The following MYT1L variants were observed in gnomAD, a reference collection of about 807,000 sequenced individuals.
MYT1L encodes the protein myelin transcription factor 1-like protein.
A neutral mutation model predicts 126.7 loss-of-function variants in MYT1L; 12 were observed. The observed-to-expected ratio is 0.09, with a 90% CI of 0.06 to 0.15. The LOEUF is 0.15. Among genes scored for constraint, MYT1L ranks in the 10% least tolerant of loss-of-function variants. The probability of loss-of-function intolerance (pLI) is 1.00; values close to 1 mark genes in which losing one functional copy is unlikely to be tolerated. For missense variants in MYT1L, 979 were observed against 1,585.2 expected, an observed-to-expected ratio of 0.62 and a Z score of 6.49; for synonymous variants, 541 against 604.2, an observed-to-expected ratio of 0.90 and a Z score of 1.53.
At chr2:1,808,814 A>G (rs1198565236) in intron 22 of MYT1L, among the ~76,000 whole-genome samples, 1 of 152,140 alleles carries the variant, frequency 6.6e-6, no homozygotes, top group African/African-American at 2.4e-5. Flanking sequence ...CCAGGGAGTA[A>G]ATCGTCCAGT....
intron 5 of MYT1L, among the ~76,000 whole-genome samples, chr2:1,991,894 G>A (rs992678832): frequency 2.6e-5 from 4 of 152,060 alleles, no homozygotes; most frequent in Non-Finnish European, 4.4e-5. Flanking sequence ...TCACCACACT[G>A]GCTCTCAGAG....
intron 3 of MYT1L, among the ~76,000 whole-genome samples, chr2:2,132,599 G>A (rs953391443): frequency 6.6e-6 from 1 of 152,048 alleles, no homozygotes; most frequent in African/African-American, 2.4e-5. Flanking sequence ...GGGAGGGAGA[G>A]CGTTAGAACA....
intron 19 of MYT1L, among the ~76,000 whole-genome samples, chr2:1,843,152 C>T (rs961693642): frequency 1.3e-5 from 2 of 152,262 alleles, no homozygotes; most frequent in Non-Finnish European, 2.9e-5. Flanking sequence ...CCTGCCTTGT[C>T]TGTGGCTCGT....
chr2:2,095,032 G>T (rs1439481074), intron 3 of MYT1L, among the ~76,000 whole-genome samples: 2 of 152,202 alleles, frequency 1.3e-5, no homozygotes, highest in Admixed American at 6.5e-5. Flanking sequence ...TCCAGCAGGG[G>T]TCTCAAATTT....
In MYT1L at chr2:1,903,159, G is replaced by A. The variant is rs369595125; in HGVS notation, c.1953C>T (p.Tyr651=). 1,208 of 1,613,964 alleles carry A rather than the reference G, an allele frequency of 7.5e-4. 2 individuals carry two copies. The highest frequency in any genetic ancestry group is 9.5e-4 in the Non-Finnish European group (1,125 of 1,179,888). The change falls in exon 14 of 25, where the codon TAC becomes TAT. Residue 651 remains tyrosine (Y), a synonymous_variant. Transcript: ENST00000647738. ...YSKTSFEYNS[Y]DNHTYGKRAI... is the part of the protein sequence containing the mutation. ...CTCGCTTGCCATAAGTATGGTTGTC[G>A]TAACTGTTGTATTCAAACGAGGTCT...
At chr2:2,309,922 T>C (rs1573446350) in intron 1 of MYT1L, among the ~76,000 whole-genome samples, 1 of 152,016 alleles carries the variant, frequency 6.6e-6, no homozygotes, top group African/African-American at 2.4e-5. Flanking sequence ...CAGTATACTG[T>C]ATCTATACTC....
intron 1 of MYT1L, among the ~76,000 whole-genome samples, chr2:2,309,302 C>G (rs1485831071): frequency 6.6e-6 from 1 of 151,868 alleles, no homozygotes; most frequent in Non-Finnish European, 1.5e-5. Flanking sequence ...CTATACTCCA[C>G]CTACACTTCA....
intron 4 of MYT1L, among the ~76,000 whole-genome samples, chr2:2,017,610 T>C (rs2064558309): frequency 6.6e-6 from 1 of 152,204 alleles, no homozygotes; most frequent in Non-Finnish European, 1.5e-5. Flanking sequence ...AAAACAAGTA[T>C]TATGAAGACT....
chr2:2,181,888 C>T (rs181063284), intron 2 of MYT1L, among the ~76,000 whole-genome samples: 10 of 152,220 alleles, frequency 6.6e-5, no homozygotes, highest in Admixed American at 2.0e-4. Context: ...AATAGGCAAC[C>T]GAGATATTAT....
chr2:2,073,916 C>A (rs2074920636), intron 3 of MYT1L, among the ~76,000 whole-genome samples: 3 of 152,190 alleles, frequency 2.0e-5, no homozygotes, highest in Non-Finnish European at 2.9e-5. Context: ...CCACCCTCAG[C>A]ACTCTGGCCT....
At position 1,919,400 on chromosome 2, in the gene MYT1L, C is replaced by T. The variant is rs564390713; in HGVS notation, c.1484-2061G>A. ...AGGGACCAACAATTTAACCAAACACCTTTTGCAACAACTTACAGAAAAAAA... is the reference window on the plus strand; with the variant it reads ...AGGGACCAACAATTTAACCAAACACTTTTTGCAACAACTTACAGAAAAAAA... On this transcript the variant is annotated intron_variant, in intron 10 of 24. Coordinates refer to ENST00000647738, the MANE Select transcript of MYT1L (RefSeq NM_001303052.2). Among the ~76,000 whole-genome samples, 18 of 152,254 alleles carry T rather than the reference C, an allele frequency of 1.2e-4. 1 individual carries two copies. In the South Asian group the frequency reaches 3.5e-3, roughly 30 times the overall value.
At chr2:2,281,711 A>G (rs1394050874) in intron 2 of MYT1L, among the ~76,000 whole-genome samples, 1 of 152,232 alleles carries the variant, frequency 6.6e-6, no homozygotes, top group Non-Finnish European at 1.5e-5. Context: ...TGAACATAGT[A>G]GATCATTAAA....
intron 1 of MYT1L, among the ~76,000 whole-genome samples, chr2:2,322,624 A>G (rs1180157224): frequency 2.0e-5 from 3 of 151,700 alleles, no homozygotes; most frequent in African/African-American, 7.3e-5. Flanking sequence ...GCTGGGCTCC[A>G]CCTTTGAAGG....
Position 1,802,001 on chromosome 2 carries a change from T to C in MYT1L, c.3173-202A>G, listed in dbSNP as rs2288181. The C allele has an allele frequency of 0.095, 47,055 of 496,448 alleles. 2,514 individuals are homozygous for C. The highest frequency in any genetic ancestry group is 0.14 in the East Asian group (4,028 of 28,262). The allele number at this position is 496,448 out of a possible 1,614,324, so 30.8% of individuals were successfully genotyped here. Reference sequence around the variant, plus strand: ...CGCCCCTTCCCCACCTAAGTTCCCCTACAAAAAGGAACAAACAATTGAGAC... The same window carrying C: ...CGCCCCTTCCCCACCTAAGTTCCCCCACAAAAAGGAACAAACAATTGAGAC... On this transcript the variant is annotated intron_variant, in intron 22 of 24. Transcript: ENST00000647738.
chr2:1,856,270 G>T (rs1202770888), intron 18 of MYT1L, among the ~76,000 whole-genome samples: 1 of 152,104 alleles, frequency 6.6e-6, no homozygotes, highest in Non-Finnish European at 1.5e-5. Context: ...TCCCCTTTGT[G>T]CTCCTGGCCT....
chr2:1,794,156 G>GCATATA (rs2032878243), intron 23 of MYT1L, among the ~76,000 whole-genome samples: 1 of 152,328 alleles, frequency 6.6e-6, no homozygotes, highest in African/African-American at 2.4e-5. Context: ...CTGAGCAGAG[G>GCATATA]GCGGCTCCTG....
At chr2:2,045,932 T>G (rs1282162958) in intron 4 of MYT1L, among the ~76,000 whole-genome samples, 1 of 152,176 alleles carries the variant, frequency 6.6e-6, no homozygotes, top group Non-Finnish European at 1.5e-5. Flanking sequence ...AGGGTGCACA[T>G]CCTGACCTGC....
chr2:2,242,635 C>T (rs2149151909), intron 2 of MYT1L, among the ~76,000 whole-genome samples: 1 of 152,296 alleles, frequency 6.6e-6, no homozygotes, highest in Non-Finnish European at 1.5e-5. Context: ...AAGAAGCAGG[C>T]AGGGTCCCCA....
chr2:2,188,503 G>A (rs2092364835), intron 2 of MYT1L, among the ~76,000 whole-genome samples: 1 of 152,138 alleles, frequency 6.6e-6, no homozygotes, highest in South Asian at 2.1e-4. Flanking sequence ...GTCATTTAAG[G>A]GACCTTTACA....
Sources: gnomAD v4.1 joint callset for allele counts (sites outside exome capture counted in the v4.1 genomes callset) on GRCh38, gnomAD v4.1.1 for gene constraint, MANE v1.5 for transcripts, NCBI Gene and HGNC (gene_info 2026-07-23, HGNC 2026-07-21) for gene names.